Variants in SPTBN2 observed in about 807,000 individuals in gnomAD.
SPTBN2 encodes spectrin beta chain, non-erythrocytic 2.
A neutral mutation model predicts 284.2 loss-of-function variants in SPTBN2; 107 were observed. The observed-to-expected ratio is 0.38, with a 90% CI of 0.32 to 0.44. The LOEUF is 0.44. Ranked by LOEUF, SPTBN2 falls within the 20% of genes least tolerant of loss-of-function variation. The pLI is 1.00. For missense variants in SPTBN2, 2,569 were observed against 3,287.1 expected (o/e 0.78, Z 5.34); for synonymous variants, 1,289 against 1,354.8 (o/e 0.95, Z 1.07).
Position 66,721,382 on chromosome 11 carries a change from C to A in SPTBN2, c.-55G>T, listed in dbSNP as rs771858320. On this transcript the variant is annotated 5_prime_UTR_variant, in exon 2 of 38. Coordinates refer to ENST00000533211, the MANE Select transcript of SPTBN2 (RefSeq NM_006946.4). ...CCGCTCTCCTTGTGGCCAGAGGCTG[C>A]GGTTGGCTGCTCAGTGGAAATCAGC... 33 of 1,179,858 alleles carry A rather than the reference C, an allele frequency of 2.8e-5. No homozygotes were observed. Among genetic ancestry groups the A allele is most frequent in the Non-Finnish European group, 4.1e-5 (33 of 805,378 alleles). The allele number at this position is 1,179,858 out of a possible 1,614,324, so 73.1% of individuals were successfully genotyped here.
intron 1 of SPTBN2, among the ~76,000 whole-genome samples, chr11:66,740,281 G>GA (rs1942887009): frequency 6.6e-6 from 1 of 152,120 alleles, no homozygotes; most frequent in South Asian, 2.1e-4. Context: ...GGTGAAGAAC[G>GA]AAATACTCGA....
chr11:66,722,956 C>T (rs117374265), intron 1 of SPTBN2, among the ~76,000 whole-genome samples: 6 of 147,416 alleles, frequency 4.1e-5, no homozygotes, highest in Non-Finnish European at 9.0e-5. Flanking sequence ...CCGGAAGAAA[C>T]AGTGCCGGGT....
intron 1 of SPTBN2, among the ~76,000 whole-genome samples, chr11:66,734,822 T>A (rs146511850): frequency 1.3e-5 from 2 of 152,338 alleles, no homozygotes; most frequent in African/African-American, 4.8e-5. Flanking sequence ...GGAGTCCTTA[T>A]TGTCAGTAGA....
In SPTBN2 at chr11:66,691,149, A is replaced by C; in HGVS notation, c.5565+135T>G. ...GATGTTTTCTTGGAGCAATTTCCTC[A>C]TCTCGAAATGGCCCTCGAAAGAGTG... On this transcript the variant is annotated intron_variant, in intron 27 of 37. Transcript: ENST00000533211. The surrounding 1 kb of genome is among the most constrained non-coding windows in gnomAD (Gnocchi z 8.0). 7.7e-7 allele frequency: 1 copy of C among 1,297,678 alleles called. No homozygotes were observed. Among genetic ancestry groups the C allele is most frequent in the Non-Finnish European group, 1.0e-6 (1 of 971,806 alleles). 80.4% of individuals were successfully genotyped at this position (1,297,678 alleles called of 1,614,324 possible).
At position 66,741,275 on chromosome 11, in the gene SPTBN2, T is replaced by G. The variant is rs528876467; in HGVS notation, c.-475+3267A>C. On this transcript the variant is annotated intron_variant, in intron 1 of 37. Transcript: ENST00000611817. ...TGATAGTGAATTAGTTCTCAAGAGA[T>G]CTGATGGTTTTATAAGGGGCTTCCC... 3.9e-4 allele frequency among the ~76,000 whole-genome samples: 59 copies of G among 152,242 alleles called. 1 individual carries two copies. The highest frequency in any genetic ancestry group is 2.0e-3 in the Admixed American group (30 of 15,286).
In SPTBN2 at chr11:66,700,922, C is replaced by T; in HGVS notation, c.3177G>A (p.Glu1059=). 1 of 1,602,270 alleles carries T rather than the reference C, an allele frequency of 6.2e-7. No individual in the cohort carries two copies. Among genetic ancestry groups the T allele is most frequent in the Non-Finnish European group, 8.5e-7 (1 of 1,179,852 alleles). ...GCAGCCGCCGCGCCTCCCCCAGCGA[C>T]TCTTCTCGACGCCGCATGGTGGCCC... ...DLRATMRRRE[E]SLGEARRLQD... The change falls in exon 17 of 38, where the codon GAG becomes GAA. Residue 1059 remains glutamate (E), a synonymous_variant. Transcript: ENST00000533211. This position sits in a 1 kb window ranked among gnomAD's most constrained non-coding sequence, Gnocchi z 6.6.
Position 66,701,058 on chromosome 11 carries a change from C to T in SPTBN2, c.3041G>A (p.Arg1014Gln), listed in dbSNP as rs1005600223. 9 of 1,610,226 alleles carry T rather than the reference C, an allele frequency of 5.6e-6. No individual in the cohort carries two copies. Among genetic ancestry groups the T allele is most frequent in the South Asian group, 1.1e-5 (1 of 91,052 alleles). ...TERDLEAIAA[R>Q]VGELTREANA... The stretch of plus-strand genomic sequence containing the variant: ...TGCCTCTCGAGTCAGTTCGCCCACC[C>T]GGGCGGCGATGGCCTCCAGGTCCCG... The change falls in exon 17 of 38, where the codon CGG becomes CAG. Residue 1014 changes from arginine (R) to glutamine (Q), a missense_variant. Arg to Gln is a conservative substitution (Grantham distance 43, BLOSUM62 1). Transcript: ENST00000533211.
Position 66,699,617 on chromosome 11 carries a change from G to C in SPTBN2, c.3574-9C>G, listed in dbSNP as rs777197724. 1 of 1,613,814 alleles carries C rather than the reference G, an allele frequency of 6.2e-7. No individual in the cohort carries two copies. Among genetic ancestry groups the C allele is most frequent in the Non-Finnish European group, 8.5e-7 (1 of 1,179,958 alleles). On this transcript the variant is annotated splice_polypyrimidine_tract_variant and intron_variant, in intron 17 of 37. Coordinates refer to ENST00000533211, the MANE Select transcript of SPTBN2 (RefSeq NM_006946.4). ...TGAGACAGAACATATTCCTGTGTGG[G>C]AGGGATGACATTCAGCTCATTTTCC...
intron 1 of SPTBN2, among the ~76,000 whole-genome samples, chr11:66,725,573 A>G (rs1292068962): frequency 6.6e-6 from 1 of 152,108 alleles, no homozygotes; most frequent in Non-Finnish European, 1.5e-5. Context: ...AGAATCCTCA[A>G]TCGTCCTCTC....
At chr11:66,744,646 G>A in exon 1 of SPTBN2, 1 of 371,658 alleles carries the variant, frequency 2.7e-6, no homozygotes, top group South Asian at 1.1e-4. Context: ...GCTCCCGGCG[G>A]CGGTTCGCGG....
intron 1 of SPTBN2, among the ~76,000 whole-genome samples, chr11:66,722,302 C>G (rs1392122731): frequency 5.9e-5 from 9 of 152,050 alleles, no homozygotes; most frequent in Non-Finnish European, 1.3e-4. Flanking sequence ...TGGCTGGGCG[C>G]GGTGTCTCAC....
At chr11:66,736,287 T>C (rs1942850920) in intron 1 of SPTBN2, among the ~76,000 whole-genome samples, 1 of 152,184 alleles carries the variant, frequency 6.6e-6, no homozygotes, top group African/African-American at 2.4e-5. Context: ...ATTGATGAAA[T>C]CGGAGAAAGT....
intron 8 of SPTBN2, among the ~76,000 whole-genome samples, chr11:66,712,434 C>T (rs887645695): frequency 1.3e-5 from 2 of 151,994 alleles, no homozygotes; most frequent in African/African-American, 4.8e-5. Context: ...GTAATCTCAG[C>T]TACTCAAGAG....
At position 66,704,964 on chromosome 11, in the gene SPTBN2, G is replaced by T; in HGVS notation, c.2312C>A (p.Ser771Tyr). The change falls in exon 15 of 38, where the codon TCC (serine) becomes TAC (tyrosine). Residue 771 changes from serine (S) to tyrosine (Y), a missense_variant. Physicochemically the swap from Ser to Tyr is moderately radical, Grantham distance 144. Around this residue, in one of 6 missense-constraint regions of SPTBN2, gnomAD observed 1,012 missense variants for 1,248.9 expected, o/e 0.81. Coordinates refer to ENST00000533211, the MANE Select transcript of SPTBN2 (RefSeq NM_006946.4). ...AWLVDALRLV[S>Y]SPELGHDEFS... ...CTCGTCGTGCCCCAGCTCGGGGCTG[G>T]ACACCAGGCGCAGTGCGTCAACCAA... is the stretch of plus-strand genomic sequence containing the variant. The T allele has an allele frequency of 6.2e-7, 1 of 1,609,070 alleles. No homozygotes were observed.
In SPTBN2 at chr11:66,685,864, C is replaced by T. The variant is rs752760607; in HGVS notation, c.*7G>A. 17 of 1,612,030 alleles carry T rather than the reference C, an allele frequency of 1.1e-5. No homozygotes were observed. The African/African-American group carries it at 1.9e-4, about 18-fold the overall frequency. ...GGGAGGGAGTTGGCCTGGGACCTTG[C>T]CCCCAACTACTTGTTCTTCTTAAAG... On this transcript the variant is annotated 3_prime_UTR_variant, in exon 38 of 38. Transcript: ENST00000533211. The surrounding 1 kb of genome is among the most constrained non-coding windows in gnomAD (Gnocchi z 4.4).
chr11:66,708,382 AAGCTC>A lies in SPTBN2; in HGVS notation c.1192-88_1192-84del. On this transcript the variant is annotated intron_variant, in intron 11 of 37. Coordinates refer to ENST00000533211, the MANE Select transcript of SPTBN2 (RefSeq NM_006946.4). This position sits in a 1 kb window ranked among gnomAD's most constrained non-coding sequence, Gnocchi z 4.4. Reference sequence around the variant, plus strand: ...TGGAGGCACATGGTAAGTCCCATGGAAGCTCGGTCTGGTGGATCCGTGGAATGCAG... The same window carrying A: ...TGGAGGCACATGGTAAGTCCCATGGAGGTCTGGTGGATCCGTGGAATGCAG... 13 of 1,374,944 alleles carry A rather than the reference AAGCTC, an allele frequency of 9.5e-6. No individual in the cohort carries two copies. The highest frequency in any genetic ancestry group is 1.2e-5 in the Non-Finnish European group (12 of 1,026,742). The allele number at this position is 1,374,944 out of a possible 1,614,324, so 85.2% of individuals were successfully genotyped here. A position where few individuals can be genotyped will look rare whatever the true frequency, so the allele number is the denominator to read the frequency against.
Position 66,685,634 on chromosome 11 carries a change from G to A in SPTBN2, c.*237C>T, listed in dbSNP as rs531286732. ...GGCTGGGGAAAGGGGAGAAGTCGGC[G>A]GGGGTGGGAGAGGGGGTTACCTGGG... On this transcript the variant is annotated 3_prime_UTR_variant, in exon 38 of 38. Transcript: ENST00000533211. This position sits in a 1 kb window ranked among gnomAD's most constrained non-coding sequence, Gnocchi z 4.4. 1.5e-4 allele frequency: 81 copies of A among 542,410 alleles called. No homozygotes were observed. Among genetic ancestry groups the A allele is most frequent in the South Asian group, 1.4e-3 (69 of 51,074 alleles). The allele number at this position is 542,410 out of a possible 1,614,324, so 33.6% of individuals were successfully genotyped here.
intron 8 of SPTBN2, among the ~76,000 whole-genome samples, chr11:66,713,374 C>T (rs1319901698): frequency 6.6e-6 from 1 of 152,034 alleles, no homozygotes; most frequent in African/African-American, 2.4e-5. Context: ...TGGTACCAAA[C>T]TCCTAGGCTC....
upstream of SPTBN2, among the ~76,000 whole-genome samples, chr11:66,733,984 CAAAA>C (rs60666832): frequency 9.2e-5 from 7 of 75,758 alleles, no homozygotes; most frequent in African/African-American, 2.4e-4. Flanking sequence ...GACTCCGTCT[CAAAA>C]AAAAAAAAAA....
Sources: gnomAD v4.1 joint callset for allele counts (sites outside exome capture counted in the v4.1 genomes callset) on GRCh38, gnomAD v4.1.1 for gene constraint, gnomAD v4.1.1 regional missense constraint, Gnocchi (gnomAD v3.1) non-coding constraint, MANE v1.5 for transcripts, NCBI Gene and HGNC (gene_info 2026-07-23, HGNC 2026-07-21) for gene names.